The following GON4L variants were observed in gnomAD, a reference collection of about 807,000 sequenced individuals.
The protein encoded by GON4L is GON-4-like protein.
In GON4L, 87 loss-of-function variants were observed where a neutral mutation model predicts 211.8. The ratio of observed to expected loss-of-function variants is 0.41; its 90% CI spans 0.35 to 0.49. The LOEUF (loss-of-function observed/expected upper bound fraction) is 0.49, where lower values mean the gene tolerates loss of function less well. GON4L is among the 20% of genes least tolerant of loss of function. GON4L has a pLI of 0.15. For missense variants in GON4L, 2,155 were observed against 2,659.5 expected (o/e 0.81, Z 4.17); for synonymous variants, 875 against 962.6 (o/e 0.91, Z 1.68).
At chr1:155,803,389 C>A (rs1428506789) in intron 11 of GON4L, among the ~76,000 whole-genome samples, 1 of 152,050 alleles carries the variant, frequency 6.6e-6, no homozygotes, top group Non-Finnish European at 1.5e-5. Context: ...GGACTACAGG[C>A]GTGCACCACC....
intron 2 of GON4L, among the ~76,000 whole-genome samples, chr1:155,829,721 G>A (rs913437850): frequency 1.3e-5 from 2 of 152,148 alleles, no homozygotes; most frequent in Admixed American, 6.6e-5. Context: ...AATAAGGTTT[G>A]CTTTCTCTAT....
At chr1:155,788,124 T>G (rs990953824) in intron 12 of GON4L, among the ~76,000 whole-genome samples, 5 of 152,170 alleles carry the variant, frequency 3.3e-5, no homozygotes, top group Non-Finnish European at 7.4e-5. Flanking sequence ...CATAAGTAGC[T>G]GGGACTACAG....
intron 2 of GON4L, among the ~76,000 whole-genome samples, chr1:155,849,769 G>A (rs1227961629): frequency 4.9e-4 from 21 of 42,628 alleles, no homozygotes; most frequent in South Asian, 1.2e-3. Flanking sequence ...ACGAGACTCC[G>A]TCTCAAAAAA....
At chr1:155,815,985 G>GA (rs913306261) in intron 7 of GON4L, 85 bp from the exon 8 acceptor site, 32,257 of 525,472 alleles carry the variant, frequency 0.061, 2 homozygotes, top group South Asian at 0.073. Context: ...AAGCAGGGCA[G>GA]AAAAAAAAAA....
chr1:155,826,523 G>A (rs897756151), intron 3 of GON4L, among the ~76,000 whole-genome samples: 8 of 145,356 alleles, frequency 5.5e-5, no homozygotes, highest in South Asian at 2.2e-4. Flanking sequence ...CCGAGATCAC[G>A]CCCCTGTACT....
At chr1:155,780,093 C>G (rs1431054039) in intron 14 of GON4L, among the ~76,000 whole-genome samples, 1 of 151,920 alleles carries the variant, frequency 6.6e-6, no homozygotes, top group Non-Finnish European at 1.5e-5. Context: ...GCCACTGCAC[C>G]CAGCCAGGAA....
In GON4L at chr1:155,763,488, G is replaced by T. The variant is rs945349517; in HGVS notation, c.4550C>A (p.Ser1517Tyr). Residue 1517 changes from serine to tyrosine, a missense_variant, in exon 22 of 32, where the codon TCT becomes TAT. Transcript: ENST00000368331. The stretch of plus-strand genomic sequence containing the variant: ...TTCTGGCTCAGAGTTCTCCTCCTGA[G>T]AATTCTCTTCTTCAGACTCACCCTC... ...SQEGESEEEN[S>Y]QEENSEPEEE... 70 of 1,551,532 alleles carry T rather than the reference G, an allele frequency of 4.5e-5. No individual in the cohort carries two copies. Among genetic ancestry groups the T allele is most frequent in the Non-Finnish European group, 5.8e-5 (67 of 1,147,128 alleles).
chr1:155,745,798 G>A (rs763761395), downstream of GON4L: 8 of 607,794 alleles, frequency 1.3e-5, no homozygotes, highest in African/African-American at 1.1e-4. Flanking sequence ...CGGCGCGGCT[G>A]AGGCGCGGCG....
intron 10 of GON4L, among the ~76,000 whole-genome samples, chr1:155,811,754 CAA>C (rs145360103): frequency 5.4e-4 from 18 of 33,048 alleles, no homozygotes; most frequent in South Asian, 5.3e-3. Context: ...GACTCTGTCT[CAA>C]AAAAAAAAAA....
chr1:155,800,649 C>T (rs1666557648), intron 11 of GON4L, among the ~76,000 whole-genome samples: 1 of 151,886 alleles, frequency 6.6e-6, no homozygotes, highest in Non-Finnish European at 1.5e-5. Flanking sequence ...GTCAGGAGTT[C>T]GAGACAAGCC....
chr1:155,813,915 G>A (rs1203008607), intron 9 of GON4L, 111 bp from the exon 10 acceptor site: 1 of 814,020 alleles, frequency 1.2e-6, no homozygotes, highest in East Asian at 2.6e-5. Flanking sequence ...ATACACCATT[G>A]TCCTTTCTCT....
downstream of GON4L, chr1:155,748,157 G>A (rs550501568): frequency 2.2e-4 from 343 of 1,558,088 alleles, no homozygotes; most frequent in Non-Finnish European, 2.8e-4. Context: ...TTCTGACTGC[G>A]GCAGGCTACA....
At chr1:155,766,962 C>G (rs1009456243) in intron 20 of GON4L, 5 of 578,972 alleles carry the variant, frequency 8.6e-6, no homozygotes, top group Non-Finnish European at 8.9e-6. Context: ...AGGAGAATCA[C>G]TTGAACCTGG....
chr1:155,752,722 A>G, intron 29 of GON4L, 132 bp from the exon 30 acceptor site: 1 of 1,389,522 alleles, frequency 7.2e-7, no homozygotes, highest in Non-Finnish European at 9.9e-7. Context: ...GCTCACACCT[A>G]TAATGTCCGC....
chr1:155,806,592 T>C (rs1244947048), intron 10 of GON4L, among the ~76,000 whole-genome samples: 2 of 152,128 alleles, frequency 1.3e-5, no homozygotes, highest in Non-Finnish European at 2.9e-5. Flanking sequence ...GGTATGTGCC[T>C]GTGGTACCAG....
Position 155,805,058 on chromosome 1 carries a change from C to A in GON4L, c.1536G>T (p.Glu512Asp), listed in dbSNP as rs1164267851. ...CTGGAGTGATGTCTGGAGCTTGGAG[C>A]TCTGCCTCTAATTGGCCCAGGGGAA... ...KDVPLGQLEA[E>D]LQAPDITPDM... Residue 512 changes from glutamate to aspartate, a missense_variant, in exon 11 of 32, where the codon GAG becomes GAT. This residue lies in a region of GON4L where 551 missense variants were observed against 854.0 expected (regional missense o/e 0.65). Coordinates refer to ENST00000368331, the MANE Select transcript of GON4L (RefSeq NM_001282860.2). 3 of 1,613,302 alleles carry A rather than the reference C, an allele frequency of 1.9e-6. No individual in the cohort carries two copies. Among genetic ancestry groups the A allele is most frequent in the Non-Finnish European group, 2.5e-6 (3 of 1,179,342 alleles).
intron 6 of GON4L, 109 bp downstream of exon 6, chr1:155,820,497 A>T: frequency 1.3e-6 from 1 of 750,430 alleles, no homozygotes; most frequent in Non-Finnish European, 2.4e-6. Context: ...ATATTTCTTT[A>T]AAGAGGCAAA....
At chr1:155,803,130 A>G (rs905098438) in intron 11 of GON4L, among the ~76,000 whole-genome samples, 3 of 152,218 alleles carry the variant, frequency 2.0e-5, no homozygotes, top group Non-Finnish European at 4.4e-5. Context: ...GATATACTAT[A>G]TAACTATTAA....
intron 5 of GON4L, 29 bp from the exon 6 acceptor site, chr1:155,820,685 C>A: frequency 6.4e-7 from 1 of 1,559,266 alleles, no homozygotes; most frequent in Non-Finnish European, 8.8e-7. Flanking sequence ...AAAGGAAATC[C>A]TCAATAAAAA....
Sources: allele counts gnomAD v4.1 joint callset (sites outside exome capture counted in the v4.1 genomes callset), GRCh38; gene constraint gnomAD v4.1.1; regional missense constraint gnomAD v4.1.1; transcripts MANE v1.5; gene names NCBI Gene and HGNC (gene_info 2026-07-23, HGNC 2026-07-21).